PCDHGA5: variants seen among roughly 807,000 people sequenced by gnomAD.
The protein encoded by PCDHGA5 is protocadherin gamma subfamily A, 5.
Under a neutral mutation model 56.7 loss-of-function variants are expected in PCDHGA5, and 36 were observed. That is an observed-to-expected ratio of 0.64 (90% CI 0.49 to 0.84). PCDHGA5 has a LOEUF of 0.84. Ranked by LOEUF, PCDHGA5 falls within the 40% of genes least tolerant of loss-of-function variation. The pLI, the probability that PCDHGA5 is intolerant of heterozygous loss-of-function variation, is 0.00. For synonymous variants in PCDHGA5, 563 were observed against 520.2 expected (o/e 1.08, Z -1.12); for missense variants, 1,305 against 1,201.5 (o/e 1.09, Z -1.27).
Position 141,417,741 on chromosome 5 carries a change from A to G in PCDHGA5, c.2421+50990A>G, listed in dbSNP as rs1035037382. ...CTGCGCAGACCTTGCCCAGCACACCAGATTGCCAGCTCCGAGACCCGGGAC... is the reference window on the plus strand; with the variant it reads ...CTGCGCAGACCTTGCCCAGCACACCGGATTGCCAGCTCCGAGACCCGGGAC... On this transcript the variant is annotated intron_variant, in intron 1 of 3. Coordinates refer to ENST00000518069, the MANE Select transcript of PCDHGA5 (RefSeq NM_018918.3). The G allele has an allele frequency of 1.7e-5, 24 of 1,413,756 alleles. No individual in the cohort carries two copies. The African/African-American group carries it at 1.7e-4, about 10-fold the overall frequency. The allele number at this position is 1,413,756 out of a possible 1,614,324, so 87.6% of individuals were successfully genotyped here.
chr5:141,366,380 C>T lies in PCDHGA5; in HGVS notation c.2050C>T (p.Pro684Ser). 1 of 1,614,106 alleles carries T rather than the reference C, an allele frequency of 6.2e-7. No homozygotes were observed. The highest frequency in any genetic ancestry group is 8.5e-7 in the Non-Finnish European group (1 of 1,180,042). The change falls in exon 1 of 4, where the codon CCT becomes TCT. Residue 684 changes from proline (P) to serine (S), a missense_variant. Pro to Ser is a moderately conservative substitution (Grantham distance 74). Transcript: ENST00000518069. ...AGGCAGTATCAAGACCCCCATTGAC[C>T]CTGAGGATCTGGACCTCACACTCTA... The part of the protein sequence containing the change: ...DLGSIKTPID[P>S]EDLDLTLYLV...
intron 1 of PCDHGA5, chr5:141,373,964 C>A: frequency 1.0e-6 from 1 of 955,768 alleles, no homozygotes; most frequent in Non-Finnish European, 1.5e-6. Flanking sequence ...TGACCTGAAA[C>A]GCTTCGCATC....
At position 141,477,850 on chromosome 5, in the gene PCDHGA5, G is replaced by A; in HGVS notation, c.2422-16957G>A. On this transcript the variant is annotated intron_variant, in intron 1 of 3. Transcript: ENST00000518069. The surrounding 1 kb of genome is among the most constrained non-coding windows in gnomAD (Gnocchi z 4.9). ...CTCGGCCAGGTGGGAGCTCGGTGGAGATGCTGCCTCGAGGTACCTCAGCTG... is the reference window on the plus strand; with the variant it reads ...CTCGGCCAGGTGGGAGCTCGGTGGAAATGCTGCCTCGAGGTACCTCAGCTG... 6.2e-7 allele frequency: 1 copy of A among 1,613,446 alleles called. No homozygotes were observed. Among genetic ancestry groups the A allele is most frequent in the Admixed American group, 1.7e-5 (1 of 59,958 alleles).
intron 1 of PCDHGA5, chr5:141,390,568 C>T: frequency 2.4e-6 from 1 of 414,986 alleles, no homozygotes; most frequent in Non-Finnish European, 4.3e-6. Context: ...GTTGTTGGCT[C>T]TCTCCTAAAA....
At chr5:141,412,906 T>G in intron 1 of PCDHGA5, 1 of 384,208 alleles carries the variant, frequency 2.6e-6, no homozygotes, top group Non-Finnish European at 4.6e-6. Context: ...TTCCATTGCA[T>G]GTATCACTTG....
At chr5:141,418,800 GAT>G (rs777421725) in intron 1 of PCDHGA5, 1 of 1,613,800 alleles carries the variant, frequency 6.2e-7, no homozygotes, top group Non-Finnish European at 8.5e-7. Flanking sequence ...GAAGTAGAAA[GAT>G]ATACGATAAA....
chr5:141,491,855 G>A lies in PCDHGA5; in HGVS notation c.2422-2952G>A. ...TTCTCGGGATCATTGGACCGTTTGC[G>A]CGAAACCAGAGTGGCCGATTAAGGG... On this transcript the variant is annotated intron_variant, in intron 1 of 3. Coordinates refer to ENST00000518069, the MANE Select transcript of PCDHGA5 (RefSeq NM_018918.3). The surrounding 1 kb of genome is among the most constrained non-coding windows in gnomAD (Gnocchi z 6.9). The A allele has an allele frequency of 2.7e-6, 4 of 1,459,380 alleles. No individual in the cohort carries two copies. The highest frequency in any genetic ancestry group is 3.6e-6 in the Non-Finnish European group (4 of 1,103,492). The allele number at this position is 1,459,380 out of a possible 1,614,324, so 90.4% of individuals were successfully genotyped here. A position where few individuals can be genotyped will look rare whatever the true frequency, so the allele number is the denominator to read the frequency against.
Position 141,366,142 on chromosome 5 carries a change from G to C in PCDHGA5, c.1812G>C (p.Leu604=), listed in dbSNP as rs368467114. 1 of 1,614,176 alleles carries C rather than the reference G, an allele frequency of 6.2e-7. No individual in the cohort carries two copies. The highest frequency in any genetic ancestry group is 1.3e-5 in the African/African-American group (1 of 75,074). Residue 604 remains leucine (L), a synonymous_variant, in exon 1 of 4, where the codon CTG becomes CTC. Coordinates refer to ENST00000518069, the MANE Select transcript of PCDHGA5 (RefSeq NM_018918.3). ...VDKDSGQNAW[L]SYRLLKASEP... is the part of the protein sequence containing the mutation. ...AAGATTCAGGCCAGAACGCCTGGCTGTCCTACCGCCTGCTTAAGGCCAGCG... is the reference window on the plus strand; with the variant it reads ...AAGATTCAGGCCAGAACGCCTGGCTCTCCTACCGCCTGCTTAAGGCCAGCG...
rs376001893 is a variant in PCDHGA5 at position 141,388,827 on chromosome 5, A to G, written c.2421+22076A>G. ...TTTTGAAGAAGTCAAAGAATATTCC[A>G]TAGTTTTGGAAGCAAGGGACGGTGG... On this transcript the variant is annotated intron_variant, in intron 1 of 3. Coordinates refer to ENST00000518069, the MANE Select transcript of PCDHGA5 (RefSeq NM_018918.3). The G allele has an allele frequency of 9.9e-6, 16 of 1,614,024 alleles. No homozygotes were observed. The African/African-American group carries it at 1.7e-4, about 17-fold the overall frequency.
At chr5:141,375,738 T>C (rs1771822925) in intron 1 of PCDHGA5, 2 of 1,614,130 alleles carry the variant, frequency 1.2e-6, no homozygotes, top group African/African-American at 2.7e-5. Context: ...AGCCTGTTTG[T>C]GCTGGACCAG....
At chr5:141,495,960 C>G (rs1380397345) in intron 2 of PCDHGA5, among the ~76,000 whole-genome samples, 2 of 151,998 alleles carry the variant, frequency 1.3e-5, no homozygotes, top group East Asian at 3.9e-4. Context: ...CTTTTTCTGC[C>G]TCTTTCTCTG....
chr5:141,438,072 A>C (rs761630845), intron 1 of PCDHGA5, among the ~76,000 whole-genome samples: 1 of 152,158 alleles, frequency 6.6e-6, no homozygotes, highest in Non-Finnish European at 1.5e-5. Flanking sequence ...AACCATACTT[A>C]ATGGAAAATT....
At chr5:141,495,013 T>C (rs2099758300) in intron 2 of PCDHGA5, 148 bp downstream of exon 2, 12 of 1,511,014 alleles carry the variant, frequency 7.9e-6, no homozygotes, top group Non-Finnish European at 1.1e-5. Context: ...TGCGGGGGGC[T>C]GGCACACAGA....
chr5:141,510,472 G>A (rs1209464436), intron 3 of PCDHGA5, among the ~76,000 whole-genome samples: 7 of 152,102 alleles, frequency 4.6e-5, no homozygotes, highest in Non-Finnish European at 1.0e-4. Context: ...GGAGTCAGAG[G>A]CTCCCTTGAG....
intron 1 of PCDHGA5, chr5:141,409,246 C>A (rs771759898): frequency 1.2e-6 from 2 of 1,614,032 alleles, no homozygotes; most frequent in Admixed American, 3.3e-5. Context: ...CAGAAATAAT[C>A]ATCACTTCTC....
Position 141,489,880 on chromosome 5 carries a change from G to A in PCDHGA5, c.2422-4927G>A. On this transcript the variant is annotated intron_variant, in intron 1 of 3. Transcript: ENST00000518069. The surrounding 1 kb of genome is among the most constrained non-coding windows in gnomAD (Gnocchi z 4.5). Reference sequence around the variant, plus strand: ...GGCAAGACATCAGCTGGTGCTTACTGCTGTGGATGGGGGGACCCCAGCCCG... The same window carrying A: ...GGCAAGACATCAGCTGGTGCTTACTACTGTGGATGGGGGGACCCCAGCCCG... 2 of 1,614,230 alleles carry A rather than the reference G, an allele frequency of 1.2e-6. No individual in the cohort carries two copies. The highest frequency in any genetic ancestry group is 1.7e-6 in the Non-Finnish European group (2 of 1,180,026).
intron 1 of PCDHGA5, among the ~76,000 whole-genome samples, chr5:141,463,999 C>A (rs1261262637): frequency 1.3e-5 from 2 of 152,056 alleles, no homozygotes; most frequent in African/African-American, 4.8e-5. Flanking sequence ...GGTGCAGTGG[C>A]TCATGCTTGT....
intron 1 of PCDHGA5, chr5:141,423,611 C>T: frequency 1.1e-5 from 18 of 1,611,094 alleles, no homozygotes; most frequent in Non-Finnish European, 1.5e-5. Flanking sequence ...CTCTTGATAG[C>T]TGAAGACTCA....
chr5:141,500,641 TA>T (rs1306300025), intron 2 of PCDHGA5, among the ~76,000 whole-genome samples: 4 of 152,346 alleles, frequency 2.6e-5, no homozygotes, highest in Middle Eastern at 3.4e-3. Flanking sequence ...ACTAGTTTTT[TA>T]AAAATAGCAA....
Sources: gnomAD v4.1 joint callset for allele counts (sites outside exome capture counted in the v4.1 genomes callset) on GRCh38, gnomAD v4.1.1 for gene constraint, Gnocchi (gnomAD v3.1) non-coding constraint, MANE v1.5 for transcripts, NCBI Gene and HGNC (gene_info 2026-07-23, HGNC 2026-07-21) for gene names.